GPR176: variants seen among roughly 807,000 people sequenced by gnomAD.
GPR176 encodes G protein-coupled receptor 176, also known as G-protein coupled receptor 176.
A neutral mutation model predicts 35.4 loss-of-function variants in GPR176; 26 were observed. The observed-to-expected ratio is 0.74, with a 90% CI of 0.54 to 1.02. The LOEUF is 1.02. Among genes scored for constraint, GPR176 ranks in the 50% least tolerant of loss-of-function variants. The pLI is 0.00. For synonymous variants in GPR176, 278 were observed against 271.3 expected, an observed-to-expected ratio of 1.02 and a Z score of -0.24; for missense variants, 597 against 665.3, an observed-to-expected ratio of 0.90 and a Z score of 1.13.
At chr15:39,887,599 TAA>T (rs10561003) in intron 1 of GPR176, among the ~76,000 whole-genome samples, 9,138 of 141,768 alleles carry the variant, frequency 0.064, 229 homozygotes, top group Non-Finnish European at 0.078. Context: ...AATTTAAATT[TAA>T]AAAAAAAAAA....
At chr15:39,846,848 A>G (rs933049380) in intron 1 of GPR176, among the ~76,000 whole-genome samples, 1 of 152,202 alleles carries the variant, frequency 6.6e-6, no homozygotes. Context: ...TCAGAAAGAA[A>G]AAGAAAGATA....
intron 1 of GPR176, chr15:39,862,157 C>T (rs192371577): frequency 1.1e-4 from 16 of 152,094 alleles, no homozygotes; most frequent in Admixed American, 2.6e-4. Flanking sequence ...TTTACTGGTA[C>T]AATCTAAAAA....
chr15:39,872,343 G>A (rs995554298), intron 1 of GPR176, among the ~76,000 whole-genome samples: 1 of 152,144 alleles, frequency 6.6e-6, no homozygotes, highest in African/African-American at 2.4e-5. Flanking sequence ...TACACGATGT[G>A]TACAGAGAAG....
At chr15:39,916,254 A>G (rs1445121750) in intron 1 of GPR176, among the ~76,000 whole-genome samples, 1 of 152,220 alleles carries the variant, frequency 6.6e-6, no homozygotes, top group Non-Finnish European at 1.5e-5. Flanking sequence ...ACTCTTGACT[A>G]CTAAAAGTGA....
rs150095116 is a variant in GPR176 at position 39,885,131 on chromosome 15, T to G, written c.172+34724A>C. Among the ~76,000 whole-genome samples the G allele has an allele frequency of 5.4e-4, 82 of 152,294 alleles. No homozygotes were observed. The South Asian group carries it at 0.016, about 30-fold the overall frequency. ...CTTCACAATTGACTTATGTTACCCATATTTCCCCAAAAGGATTGATCACAC... is the reference window on the plus strand; with the variant it reads ...CTTCACAATTGACTTATGTTACCCAGATTTCCCCAAAAGGATTGATCACAC... On this transcript the variant is annotated intron_variant, in intron 1 of 2. Transcript: ENST00000561100.
chr15:39,839,544 A>ATACC (rs1205295541), intron 1 of GPR176, among the ~76,000 whole-genome samples: 2 of 152,188 alleles, frequency 1.3e-5, no homozygotes, highest in Non-Finnish European at 2.9e-5. Flanking sequence ...AACCTAGGCA[A>ATACC]TACCATTCAG....
intron 1 of GPR176, among the ~76,000 whole-genome samples, chr15:39,842,499 T>C (rs2030077825): frequency 6.6e-6 from 1 of 151,966 alleles, no homozygotes; most frequent in African/African-American, 2.4e-5. Context: ...GAACCCAGTG[T>C]GAAGGTATTT....
At chr15:39,872,601 C>T (rs2032084589) in intron 1 of GPR176, among the ~76,000 whole-genome samples, 1 of 152,052 alleles carries the variant, frequency 6.6e-6, no homozygotes, top group East Asian at 1.9e-4. Flanking sequence ...GGGTAATTTA[C>T]AAGAAAAGAG....
intron 1 of GPR176, among the ~76,000 whole-genome samples, chr15:39,872,458 G>C (rs964326029): frequency 3.9e-5 from 6 of 152,174 alleles, no homozygotes; most frequent in Non-Finnish European, 8.8e-5. Context: ...CAATTGTTAA[G>C]AGATCAAAAT....
rs1285813108 is a variant in GPR176, at chr15:39,828,008, G to A, written c.173-20750C>T. Among the ~76,000 whole-genome samples the A allele has an allele frequency of 2.0e-5, 3 of 152,330 alleles. No individual in the cohort carries two copies. In the East Asian group the frequency reaches 5.8e-4, roughly 29 times the overall value. On this transcript the variant is annotated intron_variant, in intron 1 of 2. Transcript: ENST00000561100. ...GTCAACATGGATTATCTCAACTGAAGTGGTATTGGGAGATGGTATAATAAA... is the reference window on the plus strand; with the variant it reads ...GTCAACATGGATTATCTCAACTGAAATGGTATTGGGAGATGGTATAATAAA...
chr15:39,821,214 AGCC>A (rs140319959), intron 1 of GPR176, among the ~76,000 whole-genome samples: 2,439 of 152,314 alleles, frequency 0.016, 64 homozygotes, highest in African/African-American at 0.056. Flanking sequence ...AAATGCTATT[AGCC>A]TGTTTAATGC....
At chr15:39,834,437 C>T (rs942139507) in intron 1 of GPR176, among the ~76,000 whole-genome samples, 2 of 152,022 alleles carry the variant, frequency 1.3e-5, no homozygotes, top group African/African-American at 4.8e-5. Context: ...GATGAGCAAG[C>T]CCTATAATAA....
intron 1 of GPR176, among the ~76,000 whole-genome samples, chr15:39,842,725 C>T (rs913434285): frequency 2.6e-5 from 4 of 152,042 alleles, no homozygotes; most frequent in Non-Finnish European, 5.9e-5. Flanking sequence ...CTTAGACTTC[C>T]GTGCCTCTAG....
intron 1 of GPR176, among the ~76,000 whole-genome samples, chr15:39,868,202 G>C (rs940934428): frequency 2.0e-5 from 3 of 152,086 alleles, no homozygotes; most frequent in African/African-American, 7.2e-5. Context: ...CAAAAGTCTG[G>C]GATCACGAAC....
At chr15:39,837,940 G>A (rs1021587004) in intron 1 of GPR176, among the ~76,000 whole-genome samples, 4 of 149,070 alleles carry the variant, frequency 2.7e-5, no homozygotes, top group Non-Finnish European at 5.9e-5. Flanking sequence ...ATAGTTTGAG[G>A]CCAGTAGTTC....
At chr15:39,908,187 G>A (rs1308821428) in intron 1 of GPR176, among the ~76,000 whole-genome samples, 1 of 152,130 alleles carries the variant, frequency 6.6e-6, no homozygotes, top group Non-Finnish European at 1.5e-5. Context: ...TGGGCTCTTG[G>A]AGCCTAAGCA....
At chr15:39,870,322 G>A (rs770430600) in intron 1 of GPR176, among the ~76,000 whole-genome samples, 3 of 152,064 alleles carry the variant, frequency 2.0e-5, no homozygotes, top group Non-Finnish European at 2.9e-5. Context: ...ATAGCCACAG[G>A]TTTCAGGAAT....
chr15:39,860,501 A>G (rs1595488141), intron 1 of GPR176, among the ~76,000 whole-genome samples: 1 of 152,296 alleles, frequency 6.6e-6, no homozygotes, highest in East Asian at 1.9e-4. Flanking sequence ...ATTCCCAATC[A>G]TGTGTTTTTT....
chr15:39,833,231 C>T (rs943132934), intron 1 of GPR176, among the ~76,000 whole-genome samples: 1 of 151,948 alleles, frequency 6.6e-6, no homozygotes, highest in Non-Finnish European at 1.5e-5. Context: ...TTCATAATAG[C>T]CAAAGAGCAG....
Sources: gnomAD v4.1 joint callset for allele counts (sites outside exome capture counted in the v4.1 genomes callset) on GRCh38, gnomAD v4.1.1 for gene constraint, MANE v1.5 for transcripts, NCBI Gene and HGNC (gene_info 2026-07-23, HGNC 2026-07-21) for gene names.